Variants in CNTN4 observed in about 807,000 individuals in gnomAD.
The protein encoded by CNTN4 is contactin-4.
In CNTN4, 77 loss-of-function variants were observed where a neutral mutation model predicts 122.5. That is an observed-to-expected ratio of 0.63 (90% CI 0.52 to 0.76). The LOEUF (loss-of-function observed/expected upper bound fraction) is 0.76. Among genes scored for constraint, CNTN4 ranks in the 30% least tolerant of loss-of-function variants. The pLI, the probability that CNTN4 is intolerant of heterozygous loss-of-function variation, is 0.00. For missense variants in CNTN4, 1,256 were observed against 1,259.1 expected, an observed-to-expected ratio of 1.00 and a Z score of 0.04; for synonymous variants, 512 against 447.0, an observed-to-expected ratio of 1.15 and a Z score of -1.83.
intron 3 of CNTN4, among the ~76,000 whole-genome samples, chr3:2,421,654 A>G (rs1004267864): frequency 6.6e-6 from 1 of 152,214 alleles, no homozygotes; most frequent in African/African-American, 2.4e-5. Flanking sequence ...TTCACTGGGC[A>G]TTCTATTAAA....
intron 13 of CNTN4, among the ~76,000 whole-genome samples, chr3:2,952,427 A>G (rs1311451713): frequency 2.0e-5 from 3 of 152,180 alleles, no homozygotes; most frequent in Non-Finnish European, 2.9e-5. Context: ...AACACCTGCA[A>G]TGTTCTGCTC....
chr3:2,969,508 A>C (rs959396297), intron 13 of CNTN4, among the ~76,000 whole-genome samples: 1 of 151,808 alleles, frequency 6.6e-6, no homozygotes, highest in East Asian at 1.9e-4. Context: ...TTCCCAAAGG[A>C]AAATTGGGAT....
At chr3:2,568,973 C>T (rs2079301996) in intron 3 of CNTN4, among the ~76,000 whole-genome samples, 1 of 152,140 alleles carries the variant, frequency 6.6e-6, no homozygotes, top group Non-Finnish European at 1.5e-5. Context: ...ACATTTCTCT[C>T]ACAAAATTAA....
At chr3:3,005,887 A>ATT (rs10630939) in intron 14 of CNTN4, among the ~76,000 whole-genome samples, 87,724 of 145,232 alleles carry the variant, frequency 0.6, 27,229 homozygotes, top group Middle Eastern at 0.73. Flanking sequence ...ACTGTGTAGA[A>ATT]TTTTTTTTTT....
chr3:2,797,885 A>G (rs937072496), intron 6 of CNTN4, among the ~76,000 whole-genome samples: 1 of 150,320 alleles, frequency 6.7e-6, no homozygotes, highest in South Asian at 2.1e-4. Context: ...ATTTTTGTGC[A>G]GATACCTTAC....
intron 4 of CNTN4, among the ~76,000 whole-genome samples, chr3:2,721,521 C>T (rs1392133935): frequency 2.0e-5 from 3 of 152,180 alleles, no homozygotes; most frequent in African/African-American, 4.8e-5. Context: ...ATTTCATGTC[C>T]GGCATTGCTC....
chr3:2,159,645 T>C (rs760035774), intron 2 of CNTN4, among the ~76,000 whole-genome samples: 18 of 152,338 alleles, frequency 1.2e-4, no homozygotes, highest in Non-Finnish European at 2.6e-4. Context: ...CCCTGAGGAC[T>C]ATTGCAGCAT....
chr3:2,570,205 CCT>C (rs1305610891), intron 3 of CNTN4, among the ~76,000 whole-genome samples: 1 of 151,936 alleles, frequency 6.6e-6, no homozygotes, highest in Non-Finnish European at 1.5e-5. Flanking sequence ...ACAGGGTCTC[CCT>C]CTGTTGCCCA....
chr3:2,612,429 A>G (rs1398704315), intron 4 of CNTN4, among the ~76,000 whole-genome samples: 2 of 152,104 alleles, frequency 1.3e-5, no homozygotes, highest in Non-Finnish European at 2.9e-5. Context: ...TTTGAAGTAC[A>G]ATTTTTACTG....
chr3:2,301,481 T>A (rs1294793626), intron 2 of CNTN4, among the ~76,000 whole-genome samples: 1 of 152,216 alleles, frequency 6.6e-6, no homozygotes, highest in African/African-American at 2.4e-5. Context: ...CTGCTCTATA[T>A]CAAGAATAAA....
chr3:2,870,153 T>TCC (rs770807362), intron 8 of CNTN4, among the ~76,000 whole-genome samples: 101 of 152,350 alleles, frequency 6.6e-4, no homozygotes, highest in Non-Finnish European at 1.2e-3. Context: ...ACACAAGCAC[T>TCC]CCAGAATCAT....
Position 3,037,779 on chromosome 3 carries a change from T to G in CNTN4, c.2092+451T>G, listed in dbSNP as rs532881206. On this transcript the variant is annotated intron_variant, in intron 18 of 24. Transcript: ENST00000418658. ...AAATAATTTCTTCAGAAATGTTCAC[T>G]TAGATTATCTTTCTTAGGGTATAAA... is the stretch of plus-strand genomic sequence containing the variant. 3.5e-5 allele frequency: 9 copies of G among 257,056 alleles called. No individual in the cohort carries two copies. The East Asian group carries it at 8.8e-4, about 25-fold the overall frequency. The allele number at this position is 257,056 out of a possible 1,614,324, so 15.9% of individuals were successfully genotyped here. A position where few individuals can be genotyped will look rare whatever the true frequency, so the allele number is the denominator to read the frequency against.
chr3:2,156,475 C>T (rs918290394), intron 2 of CNTN4, among the ~76,000 whole-genome samples: 2 of 152,198 alleles, frequency 1.3e-5, no homozygotes, highest in African/African-American at 4.8e-5. Flanking sequence ...TGATCGGATT[C>T]CTGTCCACTC....
chr3:2,682,372 C>G (rs1356241), intron 4 of CNTN4, among the ~76,000 whole-genome samples: 9,061 of 152,066 alleles, frequency 0.06, 324 homozygotes, highest in African/African-American at 0.088. Flanking sequence ...TTGTTCTTAA[C>G]TTTTTTTTAC....
At position 2,756,298 on chromosome 3, in the gene CNTN4, C is replaced by G. The variant is rs6806803; in HGVS notation, c.358+10601C>G. The stretch of plus-strand genomic sequence containing the variant: ...GTGGGGCCTTTGGTGGTGATTAGGT[C>G]ATGAGGGATCTGCCCTTGTAAATGG... On this transcript the variant is annotated intron_variant, in intron 6 of 24. Coordinates refer to ENST00000418658, the MANE Select transcript of CNTN4 (RefSeq NM_175607.3). Among the ~76,000 whole-genome samples the G allele has an allele frequency of 1.9e-3, 283 of 152,276 alleles. 1 individual carries two copies. Among genetic ancestry groups the G allele is most frequent in the African/African-American group, 6.6e-3 (275 of 41,548 alleles).
In CNTN4 at chr3:2,648,574, T is replaced by TA. The variant is rs376429416; in HGVS notation, c.55+77017dup. On this transcript the variant is annotated intron_variant, in intron 4 of 24. Coordinates refer to ENST00000418658, the MANE Select transcript of CNTN4 (RefSeq NM_175607.3). ...CGAAGAACTTAATCGATCAATGTTG[T>TA]ACTCTGGCTGCCCCACTGGCTGGCC... Among the ~76,000 whole-genome samples the TA allele has an allele frequency of 3.3e-3, 510 of 152,290 alleles. 2 individuals carry two copies. Among genetic ancestry groups the TA allele is most frequent in the African/African-American group, 0.012 (490 of 41,578 alleles).
chr3:2,968,036 C>CT (rs1309691975), intron 13 of CNTN4, among the ~76,000 whole-genome samples: 2 of 152,034 alleles, frequency 1.3e-5, no homozygotes, highest in East Asian at 3.9e-4. Context: ...AAGCCCTTGC[C>CT]TTCAGGCTTC....
At chr3:2,321,847 A>T (rs2043286636) in intron 2 of CNTN4, among the ~76,000 whole-genome samples, 2 of 151,832 alleles carry the variant, frequency 1.3e-5, no homozygotes, top group Non-Finnish European at 1.5e-5. Context: ...ACATGATTTG[A>T]CCTTCATTTT....
At chr3:2,595,353 C>G (rs1449573059) in intron 4 of CNTN4, among the ~76,000 whole-genome samples, 1 of 152,150 alleles carries the variant, frequency 6.6e-6, no homozygotes, top group Non-Finnish European at 1.5e-5. Flanking sequence ...AGGAAAAATT[C>G]CACAATGTCA....
Sources: allele counts gnomAD v4.1 joint callset (sites outside exome capture counted in the v4.1 genomes callset), GRCh38; gene constraint gnomAD v4.1.1; transcripts MANE v1.5; gene names NCBI Gene and HGNC (gene_info 2026-07-23, HGNC 2026-07-21).